Variants in RFWD3 observed in about 807,000 individuals in gnomAD.
RFWD3 encodes the protein ring finger and WD repeat domain 3.
RFWD3 carries 65 observed loss-of-function variants against 87.7 expected under a neutral mutation model. The observed-to-expected ratio is 0.74, with a 90% CI of 0.61 to 0.91. The LOEUF (loss-of-function observed/expected upper bound fraction) is 0.91, where lower values mean the gene tolerates loss of function less well. Among genes scored for constraint, RFWD3 ranks in the 40% least tolerant of loss-of-function variants. RFWD3 has a pLI of 0.00. For synonymous variants in RFWD3, 433 were observed against 352.8 expected (o/e 1.23, Z -2.55); for missense variants, 1,078 against 938.5 (o/e 1.15, Z -1.94).
rs796872698 is a variant in RFWD3, at chr16:74,662,907, C to CT, written c.-2-1457dup. ...AAGAATCTTCAGAATGGTCATGCTT[C>CT]TTTTTTTTTTTTTTTGAGATGGAGT... is the stretch of plus-strand genomic sequence containing the variant. On this transcript the variant is annotated intron_variant, in intron 1 of 12. Coordinates refer to ENST00000361070, the MANE Select transcript of RFWD3 (RefSeq NM_018124.4). Among the ~76,000 whole-genome samples, 651 of 137,886 alleles carry CT rather than the reference C, an allele frequency of 4.7e-3. 5 individuals carry two copies. Among genetic ancestry groups the CT allele is most frequent in the Admixed American group, 0.013 (179 of 13,794 alleles). The allele number at this position is 137,886 out of a possible 152,430, so 90.5% of individuals were successfully genotyped here. A position where few individuals can be genotyped will look rare whatever the true frequency, so the allele number is the denominator to read the frequency against.
At chr16:74,655,651 G>T (rs1485330317) in intron 2 of RFWD3, among the ~76,000 whole-genome samples, 2 of 151,008 alleles carry the variant, frequency 1.3e-5, no homozygotes, top group African/African-American at 2.4e-5. Context: ...ATGGAGTCTC[G>T]CTCTGTCACC....
intron 8 of RFWD3, among the ~76,000 whole-genome samples, chr16:74,635,718 G>A (rs1959190804): frequency 2.0e-5 from 3 of 152,206 alleles, no homozygotes; most frequent in African/African-American, 7.2e-5. Flanking sequence ...ATATAACCAT[G>A]CTAAAGCAAA....
At chr16:74,633,419 CAT>C (rs551563365) in intron 8 of RFWD3, among the ~76,000 whole-genome samples, 162 of 149,016 alleles carry the variant, frequency 1.1e-3, no homozygotes, top group African/African-American at 3.8e-3. Context: ...ACTGTATAAA[CAT>C]GTGATGGAAT....
chr16:74,644,212 CA>C, intron 6 of RFWD3, 149 bp downstream of exon 6: 1 of 729,458 alleles, frequency 1.4e-6, no homozygotes, highest in South Asian at 1.6e-5. Flanking sequence ...TTATAAATAA[CA>C]GTGTAAGACA....
chr16:74,666,214 A>AC (rs1384315661), intron 1 of RFWD3: 1 of 143,020 alleles, frequency 7.0e-6, no homozygotes, highest in Admixed American at 6.8e-5. Context: ...AGATAGATAG[A>AC]TAGATAGATT....
chr16:74,639,506 T>C (rs1001854179), intron 6 of RFWD3, among the ~76,000 whole-genome samples: 2 of 152,088 alleles, frequency 1.3e-5, no homozygotes, highest in Non-Finnish European at 2.9e-5. Flanking sequence ...TGAAGCAAAA[T>C]ACACTTGTGA....
chr16:74,662,457 G>C (rs911664917), intron 1 of RFWD3, among the ~76,000 whole-genome samples: 3 of 152,140 alleles, frequency 2.0e-5, no homozygotes, highest in Admixed American at 6.5e-5. Context: ...TTAGATTCTA[G>C]CAAGTAAGAT....
intron 11 of RFWD3, among the ~76,000 whole-genome samples, chr16:74,627,032 T>C (rs1024087629): frequency 3.3e-5 from 5 of 152,022 alleles, no homozygotes; most frequent in African/African-American, 1.2e-4. Context: ...AAAAGCAAGA[T>C]AACAAAATAG....
chr16:74,660,920 A>T lies in RFWD3; in HGVS notation c.518+12T>A, dbSNP rs374187275. ...CAGCAATGATCACAGACTTATCCAT[A>T]TATTTATTTACCTGGCACTGTCTGT... On this transcript the variant is annotated intron_variant, in intron 2 of 12. Coordinates refer to ENST00000361070, the MANE Select transcript of RFWD3 (RefSeq NM_018124.4). 6.2e-6 allele frequency: 10 copies of T among 1,604,256 alleles called. No homozygotes were observed. Among genetic ancestry groups the T allele is most frequent in the Non-Finnish European group, 8.5e-6 (10 of 1,173,662 alleles).
intron 6 of RFWD3, among the ~76,000 whole-genome samples, chr16:74,639,248 G>A (rs1443556572): frequency 6.6e-6 from 1 of 152,064 alleles, no homozygotes; most frequent in Non-Finnish European, 1.5e-5. Flanking sequence ...ATGTTGCCCA[G>A]GCTGGTCTCA....
At chr16:74,626,598 C>T in intron 11 of RFWD3, 44 bp from the exon 12 acceptor site, 6 of 1,539,208 alleles carry the variant, frequency 3.9e-6, no homozygotes, top group South Asian at 3.4e-5. Context: ...GGACGCTACA[C>T]AAAAAATTAA....
At chr16:74,647,480 G>T (rs1185927456) in intron 4 of RFWD3, among the ~76,000 whole-genome samples, 3 of 152,130 alleles carry the variant, frequency 2.0e-5, no homozygotes, top group African/African-American at 7.2e-5. Flanking sequence ...TAGAGATGGG[G>T]TTTCACCCTG....
chr16:74,626,530 C>T lies in RFWD3; in HGVS notation c.1994G>A (p.Ser665Asn), dbSNP rs774649273. ...TCGGTAGGACATTTCCATCAGCACA[C>T]TTCGTATGGTGGTGTGATTTTTATC... ...RPDKNHTTIR[S>N]VLMEMSYRLD... Residue 665 changes from serine (S) to asparagine (N), a missense_variant, in exon 12 of 13, where the codon AGT becomes AAT. Transcript: ENST00000361070. 1.9e-6 allele frequency: 3 copies of T among 1,614,100 alleles called. No individual in the cohort carries two copies. In the East Asian group the frequency reaches 6.7e-5, roughly 36 times the overall value.
chr16:74,652,301 T>C lies in RFWD3; in HGVS notation c.519-179A>G, dbSNP rs921977621. ...GGGGAGACTGGCCTCCTAGATATTA[T>C]TTTTTACCACTCAACCACTGCTACA... On this transcript the variant is annotated intron_variant, in intron 2 of 12. Transcript: ENST00000361070. 1.2e-4 allele frequency among the ~76,000 whole-genome samples: 19 copies of C among 152,010 alleles called. 2 individuals carry two copies. The highest frequency in any genetic ancestry group is 1.1e-3 in the Admixed American group (16 of 15,186).
chr16:74,654,450 A>C (rs1358904370), intron 2 of RFWD3, among the ~76,000 whole-genome samples: 1 of 152,140 alleles, frequency 6.6e-6, no homozygotes, highest in East Asian at 1.9e-4. Context: ...TGGTGAACTT[A>C]ATCAGTAAAT....
intron 9 of RFWD3, 40 bp downstream of exon 9, chr16:74,632,483 C>G (rs751960464): frequency 6.2e-7 from 1 of 1,607,724 alleles, no homozygotes. Context: ...TACTCAACAC[C>G]AAAGAGCCCA....
In RFWD3 at chr16:74,661,291, G is replaced by T; in HGVS notation, c.159C>A (p.Leu53=). 1 of 1,613,986 alleles carries T rather than the reference G, an allele frequency of 6.2e-7. No individual in the cohort carries two copies. The highest frequency in any genetic ancestry group is 8.5e-7 in the Non-Finnish European group (1 of 1,179,978). ...VVSSQGVPSI[L]QPAPAEVISS... ...TGATCACCTCAGCAGGAGCTGGCTG[G>T]AGGATGGATGGTACCCCCTGGCTGC... is the stretch of plus-strand genomic sequence containing the variant. Residue 53 remains leucine, a synonymous_variant, in exon 2 of 13, where the codon CTC becomes CTA. Transcript: ENST00000361070.
rs373920982 is a variant in RFWD3, at chr16:74,626,917, C to A, written c.1970-363G>T. On this transcript the variant is annotated intron_variant, in intron 11 of 12. Coordinates refer to ENST00000361070, the MANE Select transcript of RFWD3 (RefSeq NM_018124.4). ...CTCAGTAAAAGGTTTTTCCCTTCCC[C>A]CAGTGAGAACCTCATTAGCCCCTGG... is the stretch of plus-strand genomic sequence containing the variant. Among the ~76,000 whole-genome samples, 10 of 152,116 alleles carry A rather than the reference C, an allele frequency of 6.6e-5. 1 individual carries two copies. The highest frequency in any genetic ancestry group is 5.8e-4 in the East Asian group (3 of 5,192).
chr16:74,625,907 T>C (rs1958917981), intron 12 of RFWD3, among the ~76,000 whole-genome samples: 1 of 151,970 alleles, frequency 6.6e-6, no homozygotes, highest in Non-Finnish European at 1.5e-5. Context: ...ACATCTCAGC[T>C]GGGTGCAATG....
Sources: allele counts gnomAD v4.1 joint callset (sites outside exome capture counted in the v4.1 genomes callset), GRCh38; gene constraint gnomAD v4.1.1; transcripts MANE v1.5; gene names NCBI Gene and HGNC (gene_info 2026-07-23, HGNC 2026-07-21).